FHAD1: variants seen among roughly 807,000 people sequenced by gnomAD.
FHAD1 encodes forkhead associated phosphopeptide binding domain 1.
FHAD1 carries 146 observed loss-of-function variants against 191.3 expected under a neutral mutation model. The ratio of observed to expected loss-of-function variants is 0.76; its 90% CI spans 0.67 to 0.88. The LOEUF is 0.88. Among genes scored for constraint, FHAD1 ranks in the 40% least tolerant of loss-of-function variants. The pLI, the probability that FHAD1 is intolerant of heterozygous loss-of-function variation, is 0.00. For missense variants in FHAD1, 1,635 were observed against 1,785.8 expected (o/e 0.92, Z 1.52); for synonymous variants, 616 against 672.3 (o/e 0.92, Z 1.29).
intron 18 of FHAD1, among the ~76,000 whole-genome samples, chr1:15,347,426 A>G (rs1689300068): frequency 6.6e-6 from 1 of 152,196 alleles, no homozygotes; most frequent in South Asian, 2.1e-4. Flanking sequence ...AATTTGAAAG[A>G]GCAGCCCCAG....
At chr1:15,246,158 A>T (rs192576189), upstream of FHAD1, among the ~76,000 whole-genome samples, 4 of 152,266 alleles carry the variant, frequency 2.6e-5, no homozygotes, top group African/African-American at 9.6e-5. Flanking sequence ...GAGAGAGCAA[A>T]GGGGGAAGTG....
intron 5 of FHAD1, among the ~76,000 whole-genome samples, chr1:15,298,088 T>C (rs1237929751): frequency 6.6e-6 from 1 of 152,196 alleles, no homozygotes; most frequent in Non-Finnish European, 1.5e-5. Context: ...TGCCTGTTAA[T>C]AGCAGCACAA....
At chr1:15,248,386 G>A (rs1646355679) in intron 1 of FHAD1, among the ~76,000 whole-genome samples, 1 of 137,662 alleles carries the variant, frequency 7.3e-6, no homozygotes, top group South Asian at 2.4e-4. Flanking sequence ...CAGCACAGCA[G>A]GCACTGTGAG....
At chr1:15,293,565 A>G (rs956932080) in intron 4 of FHAD1, among the ~76,000 whole-genome samples, 2 of 152,204 alleles carry the variant, frequency 1.3e-5, no homozygotes, top group African/African-American at 4.8e-5. Context: ...TAAAAATACA[A>G]AAATTAGCTG....
rs537100132 is a variant in FHAD1, at chr1:15,345,554, C to T, written c.2346+31C>T. The T allele has an allele frequency of 1.2e-5, 18 of 1,525,168 alleles. No individual in the cohort carries two copies. The South Asian group carries it at 2.0e-4, about 17-fold the overall frequency. 94.5% of individuals were successfully genotyped at this position (1,525,168 alleles called of 1,614,324 possible). On this transcript the variant is annotated intron_variant, in intron 18 of 33. Transcript: ENST00000688493. The stretch of plus-strand genomic sequence containing the variant: ...CTCGGGGAGATAGAGTCGGCTGAGC[C>T]CCAGTCGGCTTGAGGGCCATGTGGA...
rs1414417347 is a variant in FHAD1, at chr1:15,395,834, G to A, written c.4324-1463G>A. Among the ~76,000 whole-genome samples, 7 of 152,080 alleles carry A rather than the reference G, an allele frequency of 4.6e-5. No homozygotes were observed. The East Asian group carries it at 1.3e-3, about 29-fold the overall frequency. On this transcript the variant is annotated intron_variant, in intron 33 of 33. Transcript: ENST00000688493. ...CTCATCAGCTACCATTAGTGTTAAT[G>A]TATTTTACGTGTGGCCCAAGACTAT... is the stretch of plus-strand genomic sequence containing the variant.
intron 1 of FHAD1, among the ~76,000 whole-genome samples, chr1:15,241,160 G>A (rs1185363614): frequency 6.6e-6 from 1 of 152,100 alleles, no homozygotes; most frequent in Non-Finnish European, 1.5e-5. Context: ...GAGCTGCTAA[G>A]TTTGTGGTAG....
At chr1:15,374,868 T>TG (rs1699161399) in intron 27 of FHAD1, among the ~76,000 whole-genome samples, 1 of 149,614 alleles carries the variant, frequency 6.7e-6, no homozygotes, top group African/African-American at 2.5e-5. Context: ...TTGTTTGTTT[T>TG]TTTTTTTTGA....
At chr1:15,300,101 A>G (rs899347345) in intron 5 of FHAD1, among the ~76,000 whole-genome samples, 5 of 152,076 alleles carry the variant, frequency 3.3e-5, no homozygotes, top group Non-Finnish European at 7.3e-5. Flanking sequence ...GTAGCTGCCT[A>G]TGAATCACAT....
intron 31 of FHAD1, chr1:15,384,554 G>T (rs1701653335): frequency 6.6e-6 from 1 of 152,238 alleles, no homozygotes; most frequent in South Asian, 2.1e-4. Flanking sequence ...AAAACCTGCA[G>T]ATTTACATAA....
At chr1:15,322,152 T>C (rs559417012) in intron 10 of FHAD1, among the ~76,000 whole-genome samples, 1 of 152,384 alleles carries the variant, frequency 6.6e-6, no homozygotes, top group African/African-American at 2.4e-5. Context: ...TATGGGCTTC[T>C]TGAATCTTTG....
intron 2 of FHAD1, among the ~76,000 whole-genome samples, chr1:15,254,136 G>A (rs781600922): frequency 6.6e-5 from 10 of 152,258 alleles, no homozygotes; most frequent in South Asian, 2.1e-4. Context: ...AAAAAGAATC[G>A]TAGTTTCTTC....
At chr1:15,382,263 T>C in intron 31 of FHAD1, 70 bp downstream of exon 31, 1 of 1,486,182 alleles carries the variant, frequency 6.7e-7, no homozygotes, top group Non-Finnish European at 9.1e-7. Flanking sequence ...TGGCCGAGGG[T>C]GGTCCCTGGA....
chr1:15,343,501 A>G (rs1687640763), intron 16 of FHAD1, among the ~76,000 whole-genome samples: 1 of 151,148 alleles, frequency 6.6e-6, no homozygotes, highest in African/African-American at 2.4e-5. Flanking sequence ...TGCCCTCCAG[A>G]CCTCTCCCTC....
rs977691728 is a variant in FHAD1 at position 15,381,831 on chromosome 1, C to T, written c.4023-197C>T. Among the ~76,000 whole-genome samples, 1 of 151,768 alleles carries T rather than the reference C, an allele frequency of 6.6e-6. No homozygotes were observed. Among genetic ancestry groups the T allele is most frequent in the African/African-American group, 2.4e-5 (1 of 41,336 alleles). On this transcript the variant is annotated intron_variant, in intron 30 of 33. Transcript: ENST00000688493. The surrounding 1 kb of genome is among the most constrained non-coding windows in gnomAD (Gnocchi z 4.6). ...TGGTAGCACATCCTTTATCCCCTCC[C>T]GCTACACACATTCGGCTGATGAATG... is the stretch of plus-strand genomic sequence containing the variant.
At chr1:15,390,662 T>C (rs1482335278) in intron 32 of FHAD1, among the ~76,000 whole-genome samples, 3 of 152,178 alleles carry the variant, frequency 2.0e-5, no homozygotes, top group Non-Finnish European at 2.9e-5. Flanking sequence ...GAACTGTTGC[T>C]GAGGTGCCAC....
intron 33 of FHAD1, among the ~76,000 whole-genome samples, chr1:15,395,052 G>A (rs1197863652): frequency 3.3e-5 from 5 of 152,138 alleles, no homozygotes; most frequent in Admixed American, 6.5e-5. Flanking sequence ...GGTGGCTCAC[G>A]CCTGTAATCC....
chr1:15,302,658 G>T (rs1260226304), intron 6 of FHAD1, among the ~76,000 whole-genome samples: 1 of 151,092 alleles, frequency 6.6e-6, no homozygotes, highest in Non-Finnish European at 1.5e-5. Context: ...GGCAGAGCTT[G>T]CAGTGAGCCA....
intron 31 of FHAD1, among the ~76,000 whole-genome samples, chr1:15,387,439 T>A (rs1702407107): frequency 6.6e-6 from 1 of 152,128 alleles, no homozygotes; most frequent in South Asian, 2.1e-4. Context: ...AGTGTATGGA[T>A]AGAAGATGGC....
Sources: allele counts gnomAD v4.1 joint callset (sites outside exome capture counted in the v4.1 genomes callset), GRCh38; gene constraint gnomAD v4.1.1; non-coding constraint Gnocchi (gnomAD v3.1); transcripts MANE v1.5; gene names NCBI Gene and HGNC (gene_info 2026-07-23, HGNC 2026-07-21).